CHST4: variants seen among roughly 807,000 people sequenced by gnomAD.
The protein encoded by CHST4 is GST-3.
For missense variants in CHST4, 466 were observed against 506.0 expected (o/e 0.92, Z 0.76); for synonymous variants, 171 against 195.5 (o/e 0.87, Z 1.05).
chr16:71,538,147 C>A lies in CHST4; in HGVS notation c.*309C>A. 1 of 379,330 alleles carries A rather than the reference C, an allele frequency of 2.6e-6. No individual in the cohort carries two copies. The highest frequency in any genetic ancestry group is 5.0e-6 in the Non-Finnish European group (1 of 200,804). 23.5% of individuals were successfully genotyped at this position (379,330 alleles called of 1,614,324 possible). On this transcript the variant is annotated 3_prime_UTR_variant, in exon 2 of 2. Coordinates refer to ENST00000539698, the MANE Select transcript of CHST4 (RefSeq NM_001166395.2). ...TTGTGGCCTGGAGGCCTATTAAGCA[C>A]GACACAGTATCAGTGGAATTGATCC...
intron 1 of CHST4, among the ~76,000 whole-genome samples, chr16:71,535,438 GCTGGGATTACAGGCATGAGCCACTGCAC>G (rs776802548): frequency 1.9e-4 from 29 of 152,190 alleles, no homozygotes; most frequent in Admixed American, 2.0e-4. Flanking sequence ...CTCCCAAAGT[GCTGGGATTACAGGCATGAGCCACTGCAC>G]CTGGCCTTAA....
In CHST4 at chr16:71,534,302, T is replaced by C. The variant is rs142485004; in HGVS notation, c.-18-2358T>C. Among the ~76,000 whole-genome samples, 364 of 152,074 alleles carry C rather than the reference T, an allele frequency of 2.4e-3. 2 individuals are homozygous for C. Among genetic ancestry groups the C allele is most frequent in the African/African-American group, 8.3e-3 (344 of 41,518 alleles). On this transcript the variant is annotated intron_variant, in intron 1 of 1. Transcript: ENST00000539698. ...ACTTTGGGAGGCTGAGGCAGGAAGA[T>C]TGTTTGAGGCCAAGAGTTCAAGATC... is the stretch of plus-strand genomic sequence containing the variant.
rs376525237 is a variant in CHST4 at position 71,537,197 on chromosome 16, G to T, written c.520G>T (p.Val174Leu). 1 of 1,614,064 alleles carries T rather than the reference G, an allele frequency of 6.2e-7. No individual in the cohort carries two copies. Among genetic ancestry groups the T allele is most frequent in the South Asian group, 1.1e-5 (1 of 91,080 alleles). Residue 174 changes from valine to leucine, a missense_variant, in exon 2 of 2, where the codon GTG becomes TTG. Physicochemically the swap from Val to Leu is conservative, Grantham distance 32. Coordinates refer to ENST00000539698, the MANE Select transcript of CHST4 (RefSeq NM_001166395.2). This position sits in a 1 kb window ranked among gnomAD's most constrained non-coding sequence, Gnocchi z 4.2. ...GAAGGCCTGCCGCTCCTACAGCCAC[G>T]TGGTGCTCAAGGAGGTGCGCTTCTT... ...VEKACRSYSH[V>L]VLKEVRFFNL...
intron 1 of CHST4, among the ~76,000 whole-genome samples, chr16:71,527,282 GAGTC>G (rs768415424): frequency 1.3e-5 from 2 of 152,172 alleles, no homozygotes; most frequent in Non-Finnish European, 2.9e-5. Flanking sequence ...TCGATGAAAA[GAGTC>G]AGACTCTGTG....
Position 71,537,256 on chromosome 16 carries a change from C to A in CHST4, c.579C>A (p.Asp193Glu), listed in dbSNP as rs1204524013. The A allele has an allele frequency of 4.3e-6, 7 of 1,614,078 alleles. No individual in the cohort carries two copies. The highest frequency in any genetic ancestry group is 1.3e-5 in the African/African-American group (1 of 74,920). Residue 193 changes from aspartate (D) to glutamate (E), a missense_variant, in exon 2 of 2, where the codon GAC becomes GAA. Transcript: ENST00000539698. This position sits in a 1 kb window ranked among gnomAD's most constrained non-coding sequence, Gnocchi z 4.2. ...NLQSLYPLLK[D>E]PSLNLHIVHL... is the part of the protein sequence containing the mutation. ...AGTCCCTCTACCCGCTGCTGAAAGACCCCTCCCTCAACCTGCATATCGTGC... is the reference window on the plus strand; with the variant it reads ...AGTCCCTCTACCCGCTGCTGAAAGAACCCTCCCTCAACCTGCATATCGTGC...
intron 1 of CHST4, among the ~76,000 whole-genome samples, chr16:71,534,413 A>C (rs900956000): frequency 4.1e-5 from 6 of 146,078 alleles, no homozygotes; most frequent in African/African-American, 1.5e-4. Context: ...GCTAGAGTGC[A>C]ATGGCACAAT....
At chr16:71,530,150 A>C (rs185455598) in intron 1 of CHST4, among the ~76,000 whole-genome samples, 1 of 145,646 alleles carries the variant, frequency 6.9e-6, no homozygotes, top group Admixed American at 6.8e-5. Flanking sequence ...AAATAAAATT[A>C]AAAAAAAAAA....
chr16:71,537,961 A>G lies in CHST4; in HGVS notation c.*123A>G. ...GTCTGTGGGTATCACACTGAGTGTG[A>G]GTTGTGTCCACACGTGCTCAAGCAG... On this transcript the variant is annotated 3_prime_UTR_variant, in exon 2 of 2. Transcript: ENST00000539698. The surrounding 1 kb of genome is among the most constrained non-coding windows in gnomAD (Gnocchi z 4.2). 1.1e-6 allele frequency: 1 copy of G among 885,094 alleles called. No individual in the cohort carries two copies. Among genetic ancestry groups the G allele is most frequent in the Non-Finnish European group, 1.7e-6 (1 of 575,664 alleles). 54.8% of individuals were successfully genotyped at this position (885,094 alleles called of 1,614,324 possible). A position where few individuals can be genotyped will look rare whatever the true frequency, so the allele number is the denominator to read the frequency against.
intron 1 of CHST4, among the ~76,000 whole-genome samples, chr16:71,527,710 C>T (rs1291679112): frequency 1.3e-5 from 2 of 152,078 alleles, no homozygotes; most frequent in Non-Finnish European, 2.9e-5. Context: ...TGCCATTGCA[C>T]TCTAGCCTGG....
rs1311196519 is a variant in CHST4 at position 71,537,217 on chromosome 16, C to T, written c.540C>T (p.Arg180=). ...SYSHVVLKEV[R]FFNLQSLYPL... ...GCCACGTGGTGCTCAAGGAGGTGCG[C>T]TTCTTCAACCTGCAGTCCCTCTACC... is the stretch of plus-strand genomic sequence containing the variant. The change falls in exon 2 of 2, where the codon CGC becomes CGT. Residue 180 remains arginine, a synonymous_variant. Coordinates refer to ENST00000539698, the MANE Select transcript of CHST4 (RefSeq NM_001166395.2). The surrounding 1 kb of genome is among the most constrained non-coding windows in gnomAD (Gnocchi z 4.2). 5 of 1,614,060 alleles carry T rather than the reference C, an allele frequency of 3.1e-6. No individual in the cohort carries two copies. The highest frequency in any genetic ancestry group is 4.2e-6 in the Non-Finnish European group (5 of 1,180,026).
chr16:71,527,274 G>A (rs1486617723), intron 1 of CHST4, among the ~76,000 whole-genome samples: 2 of 152,128 alleles, frequency 1.3e-5, no homozygotes, highest in African/African-American at 2.4e-5. Flanking sequence ...TAATATTGTC[G>A]ATGAAAAGAG....
At chr16:71,532,883 TTAAA>T (rs2043958632) in intron 1 of CHST4, among the ~76,000 whole-genome samples, 1 of 152,162 alleles carries the variant, frequency 6.6e-6, no homozygotes, top group African/African-American at 2.4e-5. Context: ...AGGAAACTGA[TTAAA>T]TAAACTGTGG....
At chr16:71,526,371 G>C (rs1438199187), upstream of CHST4, 1 of 152,274 alleles carries the variant, frequency 6.6e-6, no homozygotes, top group African/African-American at 2.4e-5. Flanking sequence ...TCTGAGTAGG[G>C]ACGGTTATGC....
chr16:71,531,916 A>G (rs1304853302), intron 1 of CHST4, among the ~76,000 whole-genome samples: 1 of 152,144 alleles, frequency 6.6e-6, no homozygotes, highest in Non-Finnish European at 1.5e-5. Flanking sequence ...CTCTTTTGCT[A>G]AAGTCACCTC....
rs72547534 is a variant in CHST4 at position 71,537,089 on chromosome 16, T to G, written c.412T>G (p.Cys138Gly). The G allele has an allele frequency of 6.2e-7, 1 of 1,614,176 alleles. No individual in the cohort carries two copies. The highest frequency in any genetic ancestry group is 2.2e-5 in the East Asian group (1 of 44,880). The change falls in exon 2 of 2, where the codon TGT (cysteine) becomes GGT (glycine). Residue 138 changes from cysteine (C) to glycine (G), a missense_variant. Physicochemically the swap from Cys to Gly is radical, Grantham distance 159. Transcript: ENST00000539698. This position sits in a 1 kb window ranked among gnomAD's most constrained non-coding sequence, Gnocchi z 4.2. ...NSRALCSAPA[C>G]DIIPQDEIIP... The stretch of plus-strand genomic sequence containing the variant: ...CCGGGCCCTGTGTTCTGCACCTGCC[T>G]GTGACATCATCCCACAAGATGAAAT...
At chr16:71,536,530 C>T (rs544715753) in intron 1 of CHST4, 130 bp from the exon 2 acceptor site, 15 of 521,338 alleles carry the variant, frequency 2.9e-5, no homozygotes, top group South Asian at 1.3e-4. Flanking sequence ...ATTGTTGGCA[C>T]GAATCCTCTG....
At chr16:71,532,540 C>T (rs1248325443) in intron 1 of CHST4, among the ~76,000 whole-genome samples, 2 of 152,116 alleles carry the variant, frequency 1.3e-5, no homozygotes, top group African/African-American at 4.8e-5. Flanking sequence ...CTATTGCCAC[C>T]CAAGGTTTGG....
At chr16:71,535,405 T>C (rs1433273797) in intron 1 of CHST4, among the ~76,000 whole-genome samples, 1 of 152,192 alleles carries the variant, frequency 6.6e-6, no homozygotes, top group African/African-American at 2.4e-5. Context: ...ATTCCTGACC[T>C]CAAGTGATCT....
At chr16:71,526,617 G>C (rs977456949) in intron 1 of CHST4, 122 bp downstream of exon 1, 1 of 152,210 alleles carries the variant, frequency 6.6e-6, no homozygotes, top group South Asian at 2.1e-4. Flanking sequence ...GGCGGTTTGC[G>C]CAGAGGGGAT....
Sources: gnomAD v4.1 joint callset for allele counts (sites outside exome capture counted in the v4.1 genomes callset) on GRCh38, gnomAD v4.1.1 for gene constraint, Gnocchi (gnomAD v3.1) non-coding constraint, MANE v1.5 for transcripts, NCBI Gene and HGNC (gene_info 2026-07-23, HGNC 2026-07-21) for gene names.